KLHL1: variants seen among roughly 807,000 people sequenced by gnomAD.
KLHL1 encodes kelch-like protein 1.
In KLHL1, 47 loss-of-function variants were observed where a neutral mutation model predicts 77.7. That is an observed-to-expected ratio of 0.60 (90% CI 0.48 to 0.77). KLHL1 has a LOEUF of 0.77. Ranked by LOEUF, KLHL1 falls within the 30% of genes least tolerant of loss-of-function variation. The pLI is 0.00. For synonymous variants in KLHL1, 360 were observed against 325.2 expected (o/e 1.11, Z -1.15); for missense variants, 925 against 910.8 (o/e 1.02, Z -0.20).
chr13:69,850,363 T>C (rs1034720850), intron 5 of KLHL1, among the ~76,000 whole-genome samples: 2 of 151,532 alleles, frequency 1.3e-5, no homozygotes, highest in Admixed American at 1.3e-4. Context: ...AAATTTGTTT[T>C]CCTTCCTGAG....
rs367929072 is a variant in KLHL1 at position 69,982,557 on chromosome 13, G to T, written c.498-6755C>A. Among the ~76,000 whole-genome samples the T allele has an allele frequency of 4.7e-5, 7 of 150,404 alleles. No individual in the cohort carries two copies. In the South Asian group the frequency reaches 1.5e-3, roughly 31 times the overall value. ...TCAAAGGAAGACTGAAAGAGAGAACGAAAGTAAGAAAGAATCTACCAAACA... is the reference window on the plus strand; with the variant it reads ...TCAAAGGAAGACTGAAAGAGAGAACTAAAGTAAGAAAGAATCTACCAAACA... On this transcript the variant is annotated intron_variant, in intron 1 of 10. Transcript: ENST00000377844.
intron 1 of KLHL1, among the ~76,000 whole-genome samples, chr13:70,075,284 G>A (rs969936896): frequency 2.0e-5 from 3 of 151,352 alleles, no homozygotes; most frequent in African/African-American, 7.3e-5. Context: ...AAGAGCAAAG[G>A]TAATCTCTTA....
chr13:69,749,190 C>T (rs1874360240), intron 7 of KLHL1, among the ~76,000 whole-genome samples: 1 of 151,934 alleles, frequency 6.6e-6, no homozygotes, highest in Admixed American at 6.6e-5. Context: ...CAAAATGATA[C>T]ATTCAACTAC....
chr13:70,041,252 A>G (rs1446551856), intron 1 of KLHL1, among the ~76,000 whole-genome samples: 1 of 152,190 alleles, frequency 6.6e-6, no homozygotes, highest in Non-Finnish European at 1.5e-5. Context: ...TATGATGACT[A>G]TCTTTCTTCA....
intron 3 of KLHL1, among the ~76,000 whole-genome samples, chr13:69,950,225 T>C (rs1413784365): frequency 6.6e-6 from 1 of 151,738 alleles, no homozygotes; most frequent in African/African-American, 2.4e-5. Context: ...GTCCACCTTA[T>C]ACCTATAAAA....
chr13:69,731,581 A>C (rs1262123934), intron 8 of KLHL1, among the ~76,000 whole-genome samples: 9 of 152,294 alleles, frequency 5.9e-5, no homozygotes, highest in Admixed American at 5.2e-4. Context: ...TTTGATATTG[A>C]GAGTGATTAT....
chr13:69,995,319 A>T (rs1885124906), intron 1 of KLHL1, among the ~76,000 whole-genome samples: 2 of 152,104 alleles, frequency 1.3e-5, no homozygotes, highest in Non-Finnish European at 2.9e-5. Context: ...GGTAAAAAAA[A>T]TTGATCATGA....
At chr13:69,956,116 A>ATATATATGATATATATATT (rs1566443200) in intron 3 of KLHL1, among the ~76,000 whole-genome samples, 2 of 127,970 alleles carry the variant, frequency 1.6e-5, no homozygotes, top group Admixed American at 1.7e-4. Flanking sequence ...TTTATATTTG[A>ATATATATGATATATATATT]TATATATATT....
chr13:70,015,119 T>C (rs1593675130), intron 1 of KLHL1, among the ~76,000 whole-genome samples: 1 of 152,148 alleles, frequency 6.6e-6, no homozygotes. Flanking sequence ...TATACACATA[T>C]GGTCATGTGC....
chr13:70,012,579 G>A (rs1443494508), intron 1 of KLHL1, among the ~76,000 whole-genome samples: 1 of 152,004 alleles, frequency 6.6e-6, no homozygotes, highest in Non-Finnish European at 1.5e-5. Context: ...TATTAAACAT[G>A]TGATTAGATT....
intron 7 of KLHL1, among the ~76,000 whole-genome samples, chr13:69,791,764 A>T (rs1593176): frequency 0.43 from 65,256 of 151,978 alleles, 14,656 homozygotes; most frequent in African/African-American, 0.56. Flanking sequence ...AAATACAAAA[A>T]TAACTCAAAG....
chr13:70,008,520 C>A (rs527437419), intron 1 of KLHL1, among the ~76,000 whole-genome samples: 2 of 152,066 alleles, frequency 1.3e-5, no homozygotes, highest in South Asian at 2.1e-4. Flanking sequence ...ATGTTTTTAA[C>A]CATTTGATAT....
intron 1 of KLHL1, among the ~76,000 whole-genome samples, chr13:70,007,977 G>A (rs532496375): frequency 8.0e-4 from 122 of 151,930 alleles, no homozygotes; most frequent in African/African-American, 2.8e-3. Context: ...AGATTATAAA[G>A]TTTATAATTT....
At chr13:70,034,054 T>C (rs945128753) in intron 1 of KLHL1, among the ~76,000 whole-genome samples, 1 of 152,132 alleles carries the variant, frequency 6.6e-6, no homozygotes, top group African/African-American at 2.4e-5. Context: ...AGTCAAAAAA[T>C]AACACTGCTT....
At chr13:69,736,110 G>T (rs1323402708) in intron 8 of KLHL1, among the ~76,000 whole-genome samples, 1 of 152,106 alleles carries the variant, frequency 6.6e-6, no homozygotes. Flanking sequence ...AACGCACAGA[G>T]CGGAAGAAAA....
chr13:70,048,277 G>A (rs1886548681), intron 1 of KLHL1, among the ~76,000 whole-genome samples: 1 of 152,152 alleles, frequency 6.6e-6, no homozygotes, highest in African/African-American at 2.4e-5. Context: ...TGTTGATGCT[G>A]CTTAGAATAT....
intron 5 of KLHL1, among the ~76,000 whole-genome samples, chr13:69,853,657 C>G (rs2911522): frequency 0.92 from 140,609 of 152,040 alleles, 65,218 homozygotes; most frequent in East Asian, 0.99. Context: ...TGGTATTCAC[C>G]AGTGAATGTG....
At chr13:70,085,103 G>C (rs1887501292) in intron 1 of KLHL1, among the ~76,000 whole-genome samples, 1 of 152,120 alleles carries the variant, frequency 6.6e-6, no homozygotes, top group Non-Finnish European at 1.5e-5. Flanking sequence ...ACAAGTATCT[G>C]AGTGTGTATG....
intron 1 of KLHL1, among the ~76,000 whole-genome samples, chr13:69,992,219 T>C (rs1343794367): frequency 6.6e-6 from 1 of 152,042 alleles, no homozygotes; most frequent in Non-Finnish European, 1.5e-5. Flanking sequence ...TAATAATCCA[T>C]TTAGTTAAAT....
Sources: allele counts gnomAD v4.1 joint callset (sites outside exome capture counted in the v4.1 genomes callset), GRCh38; gene constraint gnomAD v4.1.1; transcripts MANE v1.5; gene names NCBI Gene and HGNC (gene_info 2026-07-23, HGNC 2026-07-21).